The following C6orf118 variants were observed in gnomAD, a reference collection of about 807,000 sequenced individuals.
The protein encoded by C6orf118 is uncharacterized protein C6orf118.
In C6orf118, 50 loss-of-function variants were observed where a neutral mutation model predicts 50.2. The observed-to-expected ratio is 1.00, with a 90% CI of 0.79 to 1.26. The LOEUF (loss-of-function observed/expected upper bound fraction) is 1.26. Among genes scored for constraint, C6orf118 ranks in the 50% most tolerant of loss-of-function variants. The probability of loss-of-function intolerance (pLI) is 0.00; values close to 1 mark genes in which losing one functional copy is unlikely to be tolerated. For missense variants in C6orf118, 641 were observed against 578.7 expected (o/e 1.11, Z -1.10); for synonymous variants, 239 against 230.9 (o/e 1.03, Z -0.32).
Position 165,300,466 on chromosome 6 carries a change from C to G in C6orf118, c.774G>C (p.Thr258=). ...GTCTGTTGAACTGCTGGGGGCTGCA[C>G]GTGCAAATTTTCTGGAGCTCCTGGA... The part of the protein sequence containing the change: ...KLQQELQKIC[T]CSPQQFNRLH... The change falls in exon 3 of 9, where the codon ACG becomes ACC. Residue 258 remains threonine (T), a synonymous_variant. Transcript: ENST00000230301. 3 of 1,612,090 alleles carry G rather than the reference C, an allele frequency of 1.9e-6. No individual in the cohort carries two copies. The highest frequency in any genetic ancestry group is 2.5e-6 in the Non-Finnish European group (3 of 1,179,056).
chr6:165,309,085 G>T (rs1780847498), intron 1 of C6orf118, among the ~76,000 whole-genome samples: 2 of 152,186 alleles, frequency 1.3e-5, no homozygotes, highest in Non-Finnish European at 2.9e-5. Context: ...CAGCCTTCAG[G>T]GTCACAGAGA....
chr6:165,298,849 C>A (rs567344), intron 4 of C6orf118, among the ~76,000 whole-genome samples: 1 of 152,052 alleles, frequency 6.6e-6, no homozygotes, highest in Non-Finnish European at 1.5e-5. Context: ...ATAAAAGAAG[C>A]AACTATCTTT....
chr6:165,302,053 C>G lies in C6orf118; in HGVS notation c.269G>C (p.Arg90Pro). The change falls in exon 2 of 9, where the codon CGC (arginine) becomes CCC (proline). Residue 90 changes from arginine (R) to proline (P), a missense_variant. Coordinates refer to ENST00000230301, the MANE Select transcript of C6orf118 (RefSeq NM_144980.4). ...GGGCGGCTCTCCCACCTCAGAGGCG[C>G]GCTCCCCCTTGGGCCGGTGGGCATT... ...WPNAHRPKGE[R>P]ASEVGEPPAG... 6.2e-7 allele frequency: 1 copy of G among 1,613,698 alleles called. No individual in the cohort carries two copies. Among genetic ancestry groups the G allele is most frequent in the Non-Finnish European group, 8.5e-7 (1 of 1,179,902 alleles).
chr6:165,302,518 A>G (rs1780597015), intron 1 of C6orf118, among the ~76,000 whole-genome samples: 1 of 152,180 alleles, frequency 6.6e-6, no homozygotes, highest in African/African-American at 2.4e-5. Context: ...TGTGCAAGTC[A>G]ACCCGAAAGC....
Position 165,299,402 on chromosome 6 carries a change from A to G in C6orf118, c.936+41T>C. 7 of 1,586,762 alleles carry G rather than the reference A, an allele frequency of 4.4e-6. No homozygotes were observed. The South Asian group carries it at 6.7e-5, about 15-fold the overall frequency. Reference sequence around the variant, plus strand: ...CTGCTCATGAAATATGAAGCTATGGATAAGCAGGCTCTATTCAGGCTCTTT... The same window carrying G: ...CTGCTCATGAAATATGAAGCTATGGGTAAGCAGGCTCTATTCAGGCTCTTT... On this transcript the variant is annotated intron_variant, in intron 4 of 8. Coordinates refer to ENST00000230301, the MANE Select transcript of C6orf118 (RefSeq NM_144980.4).
intron 7 of C6orf118, among the ~76,000 whole-genome samples, chr6:165,284,213 G>A (rs1779830128): frequency 6.6e-6 from 1 of 152,062 alleles, no homozygotes; most frequent in Non-Finnish European, 1.5e-5. Flanking sequence ...TAGACCAAGT[G>A]GAGGAAATAA....
chr6:165,303,368 G>C (rs1780632476), intron 1 of C6orf118, among the ~76,000 whole-genome samples: 2 of 150,812 alleles, frequency 1.3e-5, no homozygotes, highest in African/African-American at 2.4e-5. Context: ...AGAGAAAGCA[G>C]GAAAGATCCA....
rs370387478 is a variant in C6orf118, at chr6:165,299,407, C to A, written c.936+36G>T. ...CATGAAATATGAAGCTATGGATAAG[C>A]AGGCTCTATTCAGGCTCTTTGTGAT... On this transcript the variant is annotated intron_variant, in intron 4 of 8. Transcript: ENST00000230301. 5.0e-6 allele frequency: 8 copies of A among 1,595,882 alleles called. No homozygotes were observed. The African/African-American group carries it at 8.1e-5, about 16-fold the overall frequency.
intron 1 of C6orf118, among the ~76,000 whole-genome samples, chr6:165,309,350 C>T (rs1780859282): frequency 6.6e-6 from 1 of 152,252 alleles, no homozygotes; most frequent in Non-Finnish European, 1.5e-5. Flanking sequence ...TGGCGCGCAC[C>T]CCCCACCTCT....
At chr6:165,291,748 A>G (rs1780113022) in intron 6 of C6orf118, among the ~76,000 whole-genome samples, 1 of 152,228 alleles carries the variant, frequency 6.6e-6, no homozygotes, top group African/African-American at 2.4e-5. Flanking sequence ...GGAGTACAGA[A>G]AGGAAATGGA....
At chr6:165,297,379 G>C (rs1339911042) in intron 5 of C6orf118, among the ~76,000 whole-genome samples, 1 of 150,136 alleles carries the variant, frequency 6.7e-6, no homozygotes, top group Non-Finnish European at 1.5e-5. Context: ...ACTCCAGCCT[G>C]GGCGACAGAG....
intron 5 of C6orf118, among the ~76,000 whole-genome samples, chr6:165,294,124 T>C (rs1288983677): frequency 9.2e-5 from 14 of 151,774 alleles, no homozygotes; most frequent in Admixed American, 8.5e-4. Context: ...TGGGTGCCTG[T>C]AGTCCCAGCT....
intron 5 of C6orf118, among the ~76,000 whole-genome samples, chr6:165,296,436 C>A (rs1211831176): frequency 6.6e-6 from 1 of 151,864 alleles, no homozygotes; most frequent in Non-Finnish European, 1.5e-5. Context: ...CCAGGGATCA[C>A]CCACTATGAG....
chr6:165,289,845 C>A, intron 7 of C6orf118, 41 bp downstream of exon 7: 5 of 1,405,896 alleles, frequency 3.6e-6, no homozygotes, highest in Non-Finnish European at 4.8e-6. Context: ...GGTCTTCAAG[C>A]AAAAGAATAA....
intron 4 of C6orf118, 118 bp downstream of exon 4, chr6:165,299,325 A>T (rs1780427650): frequency 1.0e-5 from 8 of 776,610 alleles, no homozygotes; most frequent in Non-Finnish European, 1.7e-5. Flanking sequence ...CATATCAGCT[A>T]TTCTAAATTA....
At chr6:165,292,634 C>G (rs1398749986) in intron 6 of C6orf118, among the ~76,000 whole-genome samples, 1 of 152,024 alleles carries the variant, frequency 6.6e-6, no homozygotes, top group African/African-American at 2.4e-5. Flanking sequence ...CTACAAAGAA[C>G]GAACAACGTG....
chr6:165,306,535 CAAAAAAAAAAAA>C (rs60755206), intron 1 of C6orf118, among the ~76,000 whole-genome samples: 86 of 39,718 alleles, frequency 2.2e-3, no homozygotes, highest in African/African-American at 5.9e-3. Context: ...TAGGTGAATG[CAAAAAAAAAAAA>C]AAAAAAAAAA....
At chr6:165,290,219 G>A in intron 6 of C6orf118, 152 bp from the exon 7 acceptor site, 1 of 562,942 alleles carries the variant, frequency 1.8e-6, no homozygotes, top group Non-Finnish European at 3.0e-6. Flanking sequence ...AAAATAATCT[G>A]ACCCCAGAAT....
intron 5 of C6orf118, among the ~76,000 whole-genome samples, chr6:165,296,427 C>T (rs1003217621): frequency 6.6e-6 from 1 of 151,942 alleles, no homozygotes; most frequent in Non-Finnish European, 1.5e-5. Flanking sequence ...AACCACCTCC[C>T]AGGGATCACC....
Sources: gnomAD v4.1 joint callset for allele counts (sites outside exome capture counted in the v4.1 genomes callset) on GRCh38, gnomAD v4.1.1 for gene constraint, MANE v1.5 for transcripts, NCBI Gene and HGNC (gene_info 2026-07-23, HGNC 2026-07-21) for gene names.